KCTD20: variants seen among roughly 807,000 people sequenced by gnomAD.
KCTD20 encodes BTB/POZ domain-containing protein KCTD20.
A neutral mutation model predicts 39.6 loss-of-function variants in KCTD20; 30 were observed. The ratio of observed to expected loss-of-function variants is 0.76; its 90% confidence interval spans 0.57 to 1.03. KCTD20 has a LOEUF of 1.03. Among genes scored for constraint, KCTD20 ranks in the 50% least tolerant of loss-of-function variants. The probability of loss-of-function intolerance (pLI) is 0.00; values close to 1 mark genes in which losing one functional copy is unlikely to be tolerated. For missense variants in KCTD20, 422 were observed against 522.0 expected (o/e 0.81, Z 1.87); for synonymous variants, 162 against 180.6 (o/e 0.90, Z 0.83).
At chr6:36,474,766 G>T in intron 2 of KCTD20, 23 bp from the exon 3 acceptor site, 1 of 1,531,060 alleles carries the variant, frequency 6.5e-7, no homozygotes, top group South Asian at 1.3e-5. Context: ...AAGTTGTTTT[G>T]GTTTCTTTGT....
intron 1 of KCTD20, among the ~76,000 whole-genome samples, chr6:36,455,809 C>T (rs1281601564): frequency 6.6e-6 from 1 of 152,126 alleles, no homozygotes; most frequent in African/African-American, 2.4e-5. Flanking sequence ...TTGTGTTCTG[C>T]CCTTAAAGCA....
chr6:36,465,055 T>C (rs1386951568), intron 1 of KCTD20, among the ~76,000 whole-genome samples: 1 of 152,110 alleles, frequency 6.6e-6, no homozygotes, highest in Non-Finnish European at 1.5e-5. Flanking sequence ...CCCAGCACTT[T>C]GGGAGGCCAA....
chr6:36,476,570 C>T (rs1461560890), intron 3 of KCTD20, among the ~76,000 whole-genome samples: 13 of 152,000 alleles, frequency 8.6e-5, no homozygotes, highest in African/African-American at 3.1e-4. Flanking sequence ...GCTGGGATCA[C>T]AGGTGTGTGC....
At chr6:36,483,826 A>G (rs1486104815) in intron 6 of KCTD20, among the ~76,000 whole-genome samples, 1 of 151,566 alleles carries the variant, frequency 6.6e-6, no homozygotes, top group Non-Finnish European at 1.5e-5. Flanking sequence ...GCCCCAAAAC[A>G]GTGTTTTTAA....
At position 36,484,698 on chromosome 6, in the gene KCTD20, ATTTT is replaced by A. The variant is rs745993861; in HGVS notation, c.857-13_857-10del. The stretch of plus-strand genomic sequence containing the variant: ...GTCTTTACTCCATGGCTAACCCTAT[ATTTT>A]TTCTTTTTCAGTTCTTTATAGCTCC... On this transcript the variant is annotated splice_polypyrimidine_tract_variant and intron_variant, in intron 6 of 7. Transcript: ENST00000373731. 5.5e-5 allele frequency: 69 copies of A among 1,265,642 alleles called. No individual in the cohort carries two copies. Among genetic ancestry groups the A allele is most frequent in the African/African-American group, 1.4e-4 (9 of 66,662 alleles). 78.4% of individuals were successfully genotyped at this position (1,265,642 alleles called of 1,614,324 possible). A position where few individuals can be genotyped will look rare whatever the true frequency, so the allele number is the denominator to read the frequency against.
chr6:36,472,412 T>G (rs1376803602), intron 2 of KCTD20, among the ~76,000 whole-genome samples: 1 of 152,204 alleles, frequency 6.6e-6, no homozygotes, highest in African/African-American at 2.4e-5. Context: ...CCCAACAATT[T>G]ATTTGGTTGT....
At chr6:36,447,658 T>G (rs531493445) in intron 1 of KCTD20, among the ~76,000 whole-genome samples, 110 of 151,748 alleles carry the variant, frequency 7.2e-4, no homozygotes, top group Middle Eastern at 6.8e-3. Context: ...ATATAAAATT[T>G]TTGATATACT....
rs890389532 is a variant in KCTD20, at chr6:36,481,756, C to T, written c.853C>T (p.Gln285Ter). The T allele has an allele frequency of 1.2e-6, 2 of 1,613,914 alleles. No individual in the cohort carries two copies. Among genetic ancestry groups the T allele is most frequent in the Non-Finnish European group, 1.7e-6 (2 of 1,179,846 alleles). ...HPPPMGEEYS[Q>*]ILYSSKLYRF... ...TCCACCAATGGGGGAGGAATATTCCCAAAGTAGGAGCTTCTGGCATGGCGT... is the reference window on the plus strand; with the variant it reads ...TCCACCAATGGGGGAGGAATATTCCTAAAGTAGGAGCTTCTGGCATGGCGT... The change falls in exon 6 of 8, where the codon CAA (glutamine) becomes TAA (stop). Residue 285 changes from glutamine to a stop codon, truncating the protein, a stop_gained. Coordinates refer to ENST00000373731, the MANE Select transcript of KCTD20 (RefSeq NM_173562.5). LOFTEE classifies it high-confidence loss of function.
intron 6 of KCTD20, among the ~76,000 whole-genome samples, chr6:36,482,710 C>T (rs891131544): frequency 6.6e-6 from 1 of 152,068 alleles, no homozygotes; most frequent in African/African-American, 2.4e-5. Flanking sequence ...CTTTGGGAGG[C>T]CAAGGTGGGC....
chr6:36,481,942 C>T (rs1264223499), intron 6 of KCTD20, among the ~76,000 whole-genome samples, 183 bp downstream of exon 6: 2 of 152,186 alleles, frequency 1.3e-5, no homozygotes, highest in African/African-American at 2.4e-5. Flanking sequence ...GAATGTTGTT[C>T]ACCATTCACT....
chr6:36,456,851 G>C (rs901957392), intron 1 of KCTD20, among the ~76,000 whole-genome samples: 1 of 152,090 alleles, frequency 6.6e-6, no homozygotes, highest in Non-Finnish European at 1.5e-5. Flanking sequence ...AGATGGTAAA[G>C]AGATGGCGGT....
chr6:36,449,266 G>GT (rs1775158337), intron 1 of KCTD20, among the ~76,000 whole-genome samples: 1 of 151,920 alleles, frequency 6.6e-6, no homozygotes, highest in African/African-American at 2.4e-5. Flanking sequence ...TGATTGGTGC[G>GT]TTTTTACGGA....
chr6:36,475,365 C>T (rs188031574), intron 3 of KCTD20, among the ~76,000 whole-genome samples: 2 of 151,942 alleles, frequency 1.3e-5, no homozygotes, highest in Admixed American at 6.6e-5. Context: ...AGGAGAATCG[C>T]CTGAACCTGG....
chr6:36,482,648 GGACGT>G (rs61391017), intron 6 of KCTD20, among the ~76,000 whole-genome samples: 29,674 of 149,654 alleles, frequency 0.2, 3,057 homozygotes, highest in East Asian at 0.4. Context: ...AGCCATTATT[GGACGT>G]TTAAACTATT....
intron 3 of KCTD20, among the ~76,000 whole-genome samples, chr6:36,478,039 G>A (rs981316560): frequency 6.7e-6 from 1 of 148,856 alleles, no homozygotes; most frequent in Non-Finnish European, 1.5e-5. Context: ...AGGTTGCAGT[G>A]AGCCGAGATC....
intron 1 of KCTD20, among the ~76,000 whole-genome samples, chr6:36,452,081 G>A (rs553708949): frequency 1.3e-5 from 2 of 152,310 alleles, no homozygotes; most frequent in South Asian, 4.1e-4. Context: ...AAAGTGCTGG[G>A]ATTACAGGTG....
chr6:36,456,470 G>C (rs1329221308), intron 1 of KCTD20, among the ~76,000 whole-genome samples: 1 of 151,878 alleles, frequency 6.6e-6, no homozygotes, highest in East Asian at 1.9e-4. Flanking sequence ...GTAGAGACAG[G>C]GTTTCACCAT....
intron 4 of KCTD20, 85 bp downstream of exon 4, chr6:36,479,308 T>C: frequency 2.0e-6 from 2 of 993,098 alleles, no homozygotes; most frequent in Non-Finnish European, 1.5e-6. Flanking sequence ...ACTATGTTAT[T>C]GACTTTAGGG....
chr6:36,455,945 C>A (rs943700398), intron 1 of KCTD20, among the ~76,000 whole-genome samples: 3 of 152,188 alleles, frequency 2.0e-5, no homozygotes, highest in Non-Finnish European at 4.4e-5. Context: ...GTTTGAATAA[C>A]GGGACTGTAG....
Sources: gnomAD v4.1 joint callset for allele counts (sites outside exome capture counted in the v4.1 genomes callset) on GRCh38, gnomAD v4.1.1 for gene constraint, MANE v1.5 for transcripts, NCBI Gene and HGNC (gene_info 2026-07-23, HGNC 2026-07-21) for gene names.